Variants in WAPL observed in about 807,000 individuals in gnomAD.
WAPL encodes the protein wings apart-like protein homolog.
WAPL carries 5 observed loss-of-function variants against 121.0 expected under a neutral mutation model. That is an observed-to-expected ratio of 0.04 (90% CI 0.02 to 0.09). The LOEUF (loss-of-function observed/expected upper bound fraction) is 0.09. WAPL is among the 10% of genes least tolerant of loss of function. The pLI is 1.00. For synonymous variants in WAPL, 480 were observed against 481.5 expected (o/e 1.00, Z 0.04); for missense variants, 999 against 1,410.8 (o/e 0.71, Z 4.68).
intron 5 of WAPL, among the ~76,000 whole-genome samples, chr10:86,473,359 A>C (rs1290328670): frequency 6.6e-6 from 1 of 152,192 alleles, no homozygotes; most frequent in Admixed American, 6.5e-5. Flanking sequence ...CAGATGACTG[A>C]AGCTTTACTG....
intron 4 of WAPL, among the ~76,000 whole-genome samples, chr10:86,493,629 A>C (rs980628066): frequency 1.3e-5 from 2 of 152,104 alleles, no homozygotes; most frequent in East Asian, 3.8e-4. Context: ...TCCTGGGTTC[A>C]AGTGATCTTC....
At chr10:86,450,769 T>C (rs558443469) in intron 15 of WAPL, among the ~76,000 whole-genome samples, 4 of 152,330 alleles carry the variant, frequency 2.6e-5, no homozygotes, top group Non-Finnish European at 4.4e-5. Flanking sequence ...GTATTTTAAA[T>C]AAACTAAAAC....
At chr10:86,492,354 C>A (rs558068544) in intron 4 of WAPL, among the ~76,000 whole-genome samples, 1 of 152,238 alleles carries the variant, frequency 6.6e-6, no homozygotes, top group Admixed American at 6.5e-5. Flanking sequence ...CAAAGCTCAA[C>A]AATGGATACG....
At chr10:86,447,858 C>T (rs999505579) in intron 15 of WAPL, among the ~76,000 whole-genome samples, 9 of 151,514 alleles carry the variant, frequency 5.9e-5, no homozygotes, top group African/African-American at 1.9e-4. Flanking sequence ...GCGACTAGCC[C>T]GGCAAACACA....
Position 86,439,026 on chromosome 10 carries a change from C to T in WAPL, c.3412-1011G>A, listed in dbSNP as rs1849396197. Reference sequence around the variant, plus strand: ...AGGGGCAAAAGAAAGTATACTGTCCCAAGTTTGGGGACACAAGGTAAAGGG... The same window carrying T: ...AGGGGCAAAAGAAAGTATACTGTCCTAAGTTTGGGGACACAAGGTAAAGGG... On this transcript the variant is annotated intron_variant, in intron 17 of 18. Coordinates refer to ENST00000298767, the MANE Select transcript of WAPL (RefSeq NM_015045.5). Among the ~76,000 whole-genome samples, 2 of 152,084 alleles carry T rather than the reference C, an allele frequency of 1.3e-5. 1 individual carries two copies. Among genetic ancestry groups the T allele is most frequent in the Admixed American group, 1.3e-4 (2 of 15,260 alleles).
intron 15 of WAPL, among the ~76,000 whole-genome samples, chr10:86,447,171 T>A (rs1460863621): frequency 6.6e-6 from 1 of 152,144 alleles, no homozygotes; most frequent in Non-Finnish European, 1.5e-5. Context: ...CTACATGCCA[T>A]GTGATTATGT....
At chr10:86,512,177 AC>A (rs1245373638) in intron 2 of WAPL, among the ~76,000 whole-genome samples, 1 of 152,222 alleles carries the variant, frequency 6.6e-6, no homozygotes, top group Non-Finnish European at 1.5e-5. Context: ...CAGTAATAAA[AC>A]ATTTCCCTTT....
chr10:86,472,412 T>G lies in WAPL; in HGVS notation c.1894-68A>C, dbSNP rs1589513396. On this transcript the variant is annotated intron_variant, in intron 6 of 18. Coordinates refer to ENST00000298767, the MANE Select transcript of WAPL (RefSeq NM_015045.5). This position sits in a 1 kb window ranked among gnomAD's most constrained non-coding sequence, Gnocchi z 4.2. ...AGCATATTTAAATCTATGGGCTCACTGTACTTTACATAAGTGCATAAAATA... is the reference window on the plus strand; with the variant it reads ...AGCATATTTAAATCTATGGGCTCACGGTACTTTACATAAGTGCATAAAATA... 1.1e-5 allele frequency: 17 copies of G among 1,559,234 alleles called. No individual in the cohort carries two copies. The East Asian group carries it at 2.3e-4, about 21-fold the overall frequency.
At chr10:86,473,556 C>T (rs1292741747) in intron 5 of WAPL, among the ~76,000 whole-genome samples, 1 of 152,160 alleles carries the variant, frequency 6.6e-6, no homozygotes. Flanking sequence ...CAACATAGCT[C>T]TTATACAAAC....
At chr10:86,474,592 G>A (rs1310860268) in intron 4 of WAPL, among the ~76,000 whole-genome samples, 1 of 151,802 alleles carries the variant, frequency 6.6e-6, no homozygotes, top group African/African-American at 2.4e-5. Flanking sequence ...GGCTGGGCAT[G>A]ATGGCTCATG....
At chr10:86,496,980 C>T (rs754697202) in intron 4 of WAPL, among the ~76,000 whole-genome samples, 13 of 152,016 alleles carry the variant, frequency 8.6e-5, no homozygotes, top group African/African-American at 2.2e-4. Context: ...TACATAACAC[C>T]GTGAAAGTAA....
Position 86,517,876 on chromosome 10 carries a change from T to A in WAPL, c.194A>T (p.Glu65Val). ...IQEIPKKPKV[E>V]EESTGDPFGF... ...AAAAGGATCTCCAGTACTTTCTTCT[T>A]CCACTTTAGGTTTCTTCGGAATTTC... The change falls in exon 2 of 19, where the codon GAA (glutamate) becomes GTA (valine). Residue 65 changes from glutamate (E) to valine (V), a missense_variant. Glu to Val is a moderately radical substitution (Grantham distance 121). Transcript: ENST00000298767. The A allele has an allele frequency of 6.2e-7, 1 of 1,614,142 alleles. No individual in the cohort carries two copies. Among genetic ancestry groups the A allele is most frequent in the East Asian group, 2.2e-5 (1 of 44,878 alleles).
chr10:86,463,442 T>C (rs943599895), intron 9 of WAPL, among the ~76,000 whole-genome samples: 1 of 152,262 alleles, frequency 6.6e-6, no homozygotes, highest in Non-Finnish European at 1.5e-5. Flanking sequence ...GTCATATTGA[T>C]AATCTTGACC....
chr10:86,455,044 G>A (rs1194871994), intron 12 of WAPL, among the ~76,000 whole-genome samples: 4 of 149,786 alleles, frequency 2.7e-5, no homozygotes, highest in Non-Finnish European at 4.4e-5. Context: ...CGCCCGGCCA[G>A]CCGCCCCGTC....
chr10:86,494,225 C>T (rs1842106688), intron 4 of WAPL, among the ~76,000 whole-genome samples: 1 of 152,142 alleles, frequency 6.6e-6, no homozygotes, highest in Non-Finnish European at 1.5e-5. Context: ...ATCTCTATCC[C>T]TGAATACACT....
intron 2 of WAPL, among the ~76,000 whole-genome samples, chr10:86,510,228 C>T (rs1345943451): frequency 1.3e-5 from 2 of 151,872 alleles, no homozygotes; most frequent in Non-Finnish European, 2.9e-5. Flanking sequence ...GCACACGCCA[C>T]CACGCCTGGC....
chr10:86,474,428 T>A (rs1459437901), intron 4 of WAPL, among the ~76,000 whole-genome samples: 2 of 150,078 alleles, frequency 1.3e-5, no homozygotes, highest in Non-Finnish European at 2.9e-5. Context: ...GGCAGGAGAA[T>A]CACCTGAATC....
chr10:86,447,917 G>A (rs773728587), intron 15 of WAPL, among the ~76,000 whole-genome samples: 68 of 151,808 alleles, frequency 4.5e-4, no homozygotes, highest in Non-Finnish European at 7.9e-4. Flanking sequence ...GCGTGGTGGC[G>A]CAAGCTTGTA....
At chr10:86,498,330 T>C (rs533232011) in intron 3 of WAPL, among the ~76,000 whole-genome samples, 32 of 152,316 alleles carry the variant, frequency 2.1e-4, no homozygotes, top group African/African-American at 6.5e-4. Context: ...TAAGTGACTA[T>C]AGTAAGGCTG....
Sources: gnomAD v4.1 joint callset for allele counts (sites outside exome capture counted in the v4.1 genomes callset) on GRCh38, gnomAD v4.1.1 for gene constraint, Gnocchi (gnomAD v3.1) non-coding constraint, MANE v1.5 for transcripts, NCBI Gene and HGNC (gene_info 2026-07-23, HGNC 2026-07-21) for gene names.